The following OR3A2 variants were observed in gnomAD, a reference collection of about 807,000 sequenced individuals.
OR3A2 encodes the protein olfactory receptor 3A2.
For missense variants in OR3A2, 318 were observed against 392.8 expected, an observed-to-expected ratio of 0.81 and a Z score of 1.61; for synonymous variants, 126 against 159.3, an observed-to-expected ratio of 0.79 and a Z score of 1.57.
intron 2 of OR3A2, among the ~76,000 whole-genome samples, chr17:3,383,600 G>T (rs1392507729): frequency 6.6e-6 from 1 of 152,096 alleles, no homozygotes; most frequent in Non-Finnish European, 1.5e-5. Flanking sequence ...GGGAGTGCAG[G>T]TTAGGAGTCA....
intron 2 of OR3A2, among the ~76,000 whole-genome samples, chr17:3,352,233 G>A (rs1597354610): frequency 6.6e-6 from 1 of 151,012 alleles, no homozygotes; most frequent in Non-Finnish European, 1.5e-5. Context: ...TGCTTCCTCT[G>A]CTGTGTAGAA....
chr17:3,287,608 C>A (rs1318245381), upstream of OR3A2, among the ~76,000 whole-genome samples: 1 of 152,002 alleles, frequency 6.6e-6, no homozygotes, highest in African/African-American at 2.4e-5. Flanking sequence ...GTTGCATTTT[C>A]TTGATTCTTC....
intron 2 of OR3A2, among the ~76,000 whole-genome samples, chr17:3,344,334 C>A (rs1314824970): frequency 6.6e-6 from 1 of 151,834 alleles, no homozygotes; most frequent in African/African-American, 2.4e-5. Flanking sequence ...TTTAGACCTT[C>A]CTGCTTTGCG....
At chr17:3,341,114 G>T (rs775816831) in intron 2 of OR3A2, among the ~76,000 whole-genome samples, 1 of 152,048 alleles carries the variant, frequency 6.6e-6, no homozygotes, top group African/African-American at 2.4e-5. Flanking sequence ...CTTTCCATTT[G>T]CTTGGTAGAT....
intron 3 of OR3A2, among the ~76,000 whole-genome samples, chr17:3,309,128 A>T (rs7219806): frequency 6.6e-6 from 1 of 151,792 alleles, no homozygotes; most frequent in East Asian, 1.9e-4. Flanking sequence ...CTGGTCTCGA[A>T]CTCCTGACCT....
intron 3 of OR3A2, among the ~76,000 whole-genome samples, chr17:3,321,072 T>C (rs1294307873): frequency 5.3e-5 from 8 of 152,170 alleles, no homozygotes; most frequent in South Asian, 2.1e-4. Context: ...TGGTTTGTAG[T>C]TCTCCTTGAA....
intron 2 of OR3A2, among the ~76,000 whole-genome samples, chr17:3,337,215 A>T (rs1347479370): frequency 6.6e-6 from 1 of 152,206 alleles, no homozygotes; most frequent in Admixed American, 6.5e-5. Flanking sequence ...AGGATTAAGT[A>T]TATTCACTTT....
chr17:3,347,191 A>G (rs2049372400), intron 2 of OR3A2, among the ~76,000 whole-genome samples: 1 of 151,798 alleles, frequency 6.6e-6, no homozygotes, highest in South Asian at 2.1e-4. Context: ...CCACAACTCA[A>G]TGATGTTGAG....
rs552615698 is a variant in OR3A2 at position 3,375,139 on chromosome 17, C to CTTTTTTTTTTTTTTTTT, written c.-179+8648_-179+8664dup. 7.0e-4 allele frequency among the ~76,000 whole-genome samples: 20 copies of CTTTTTTTTTTTTTTTTT among 28,718 alleles called. 4 individuals are homozygous for CTTTTTTTTTTTTTTTTT. Among genetic ancestry groups the CTTTTTTTTTTTTTTTTT allele is most frequent in the Non-Finnish European group, 9.4e-4 (14 of 14,858 alleles). The allele number at this position is 28,718 out of a possible 152,430, so 18.8% of individuals were successfully genotyped here. A position where few individuals can be genotyped will look rare whatever the true frequency, so the allele number is the denominator to read the frequency against. ...TATCTGGCAATTCAGAGCCTTCTTC[C>CTTTTTTTTTTTTTTTTT]TTTTTTTTTTTTTTTTTTTTTTTTT... On this transcript the variant is annotated intron_variant, in intron 2 of 4. Transcript: ENST00000573491.
At chr17:3,376,791 C>A (rs924133881) in intron 2 of OR3A2, among the ~76,000 whole-genome samples, 1 of 1,974 alleles carries the variant, frequency 5.1e-4, no homozygotes, top group Non-Finnish European at 9.6e-4. Flanking sequence ...TTCCTTCACC[C>A]TTTGGCCCCT....
intron 3 of OR3A2, among the ~76,000 whole-genome samples, chr17:3,333,371 C>G (rs1040922401): frequency 1.3e-5 from 2 of 152,186 alleles, no homozygotes; most frequent in African/African-American, 4.8e-5. Context: ...CATAGACCCT[C>G]ATCAGTAATT....
At chr17:3,323,068 T>C (rs1477916353) in intron 3 of OR3A2, among the ~76,000 whole-genome samples, 3 of 152,210 alleles carry the variant, frequency 2.0e-5, no homozygotes, top group Non-Finnish European at 2.9e-5. Context: ...ATTGGGTGCA[T>C]ATATATTTAG....
At chr17:3,279,304 C>G (rs1260767680) in intron 1 of OR3A2, among the ~76,000 whole-genome samples, 151 bp from the exon 4 acceptor site, 1 of 152,180 alleles carries the variant, frequency 6.6e-6, no homozygotes, top group Non-Finnish European at 1.5e-5. Context: ...AACCATTTTA[C>G]TAACTACAAG....
At chr17:3,291,732 A>G (rs1256871418) in intron 3 of OR3A2, 6 of 1,613,774 alleles carry the variant, frequency 3.7e-6, no homozygotes, top group Non-Finnish European at 5.1e-6. Flanking sequence ...CATGGGATTG[A>G]TGACAGTGTT....
At chr17:3,294,653 A>G (rs1482336604) in intron 3 of OR3A2, among the ~76,000 whole-genome samples, 2 of 152,224 alleles carry the variant, frequency 1.3e-5, no homozygotes, top group African/African-American at 2.4e-5. Flanking sequence ...CTGAATATCA[A>G]TGATTAAAAA....
upstream of OR3A2, among the ~76,000 whole-genome samples, chr17:3,288,917 G>T (rs1316886653): frequency 6.6e-6 from 1 of 152,074 alleles, no homozygotes; most frequent in East Asian, 1.9e-4. Flanking sequence ...GCAAAAATAG[G>T]AACTAAATTA....
intron 3 of OR3A2, among the ~76,000 whole-genome samples, chr17:3,335,676 A>T (rs945472263): frequency 6.6e-6 from 1 of 152,188 alleles, no homozygotes; most frequent in African/African-American, 2.4e-5. Flanking sequence ...CTTTACATAC[A>T]TTATCTCATT....
At chr17:3,371,308 C>T (rs889711535) in intron 2 of OR3A2, among the ~76,000 whole-genome samples, 3 of 151,384 alleles carry the variant, frequency 2.0e-5, no homozygotes, top group African/African-American at 4.9e-5. Context: ...CCTCACTTCC[C>T]AGTAGGGGCG....
intron 2 of OR3A2, among the ~76,000 whole-genome samples, chr17:3,358,033 T>C (rs989916603): frequency 6.6e-6 from 1 of 151,686 alleles, no homozygotes; most frequent in African/African-American, 2.4e-5. Flanking sequence ...CCTAGAAGCA[T>C]TTTCTGATCC....
Sources: gnomAD v4.1 joint callset for allele counts (sites outside exome capture counted in the v4.1 genomes callset) on GRCh38, gnomAD v4.1.1 for gene constraint, MANE v1.5 for transcripts, NCBI Gene and HGNC (gene_info 2026-07-23, HGNC 2026-07-21) for gene names.